Variants in HSF2BP observed in about 807,000 individuals in gnomAD.
The protein encoded by HSF2BP is heat shock transcription factor 2 binding protein.
Under a neutral mutation model 35.0 loss-of-function variants are expected in HSF2BP, and 35 were observed. That is an observed-to-expected ratio of 1.00 (90% CI 0.76 to 1.32). HSF2BP has a LOEUF of 1.32. Ranked by LOEUF, HSF2BP falls within the 40% of genes most tolerant of loss-of-function variation. The pLI, the probability that HSF2BP is intolerant of heterozygous loss-of-function variation, is 0.00. For missense variants in HSF2BP, 326 were observed against 321.7 expected (o/e 1.01, Z -0.10); for synonymous variants, 114 against 117.4 (o/e 0.97, Z 0.18).
chr21:43,657,905 G>A (rs1383812991), intron 2 of HSF2BP, 156 bp downstream of exon 2: 20 of 985,308 alleles, frequency 2.0e-5, no homozygotes, highest in Non-Finnish European at 2.4e-5. Flanking sequence ...TCTCCACCCC[G>A]CTCCGGCCCA....
chr21:43,467,944 CCACACACACCACACTTACACCA>C, the HSF2BP span, among the ~76,000 whole-genome samples: 2 of 95,886 alleles, frequency 2.1e-5, no homozygotes, highest in Admixed American at 1.0e-4. Flanking sequence ...CACACACACA[CCACACACACCACACTTACACCA>C]CACACACACC....
intron 6 of HSF2BP, among the ~76,000 whole-genome samples, chr21:43,618,756 G>A (rs1229011756): frequency 2.0e-5 from 3 of 148,744 alleles, no homozygotes; most frequent in Non-Finnish European, 3.0e-5. Context: ...CTAGTATGGT[G>A]AAACCCCGTC....
intron 6 of HSF2BP, among the ~76,000 whole-genome samples, chr21:43,623,231 T>C (rs762526121): frequency 2.0e-5 from 3 of 151,834 alleles, no homozygotes; most frequent in Non-Finnish European, 4.4e-5. Context: ...AATGAAAAAA[T>C]TGGGAAGAAA....
intron 8 of HSF2BP, among the ~76,000 whole-genome samples, chr21:43,578,527 A>G (rs971851712): frequency 2.0e-5 from 3 of 152,184 alleles, no homozygotes; most frequent in African/African-American, 7.2e-5. Context: ...TCCATTCTAC[A>G]CAGACACAAC....
rs529226226 is a variant in HSF2BP, at chr21:43,587,463, C to T, written c.796+4762G>A. ...GGCAGATCACCTGAGGGCGGGAGTT[C>T]GAGACCAACCTGACCAACATGGAGA... On this transcript the variant is annotated intron_variant, in intron 8 of 8. Coordinates refer to ENST00000291560, the MANE Select transcript of HSF2BP (RefSeq NM_007031.2). Among the ~76,000 whole-genome samples, 47 of 151,722 alleles carry T rather than the reference C, an allele frequency of 3.1e-4. No individual in the cohort carries two copies. The East Asian group carries it at 8.7e-3, about 28-fold the overall frequency.
chr21:43,602,955 G>A (rs1032828918), intron 7 of HSF2BP, among the ~76,000 whole-genome samples: 15 of 152,122 alleles, frequency 9.9e-5, no homozygotes, highest in African/African-American at 2.7e-4. Context: ...GACCTGAGAA[G>A]CCGCTAGTGT....
chr21:43,607,063 C>T (rs549604365), intron 7 of HSF2BP, among the ~76,000 whole-genome samples: 2 of 152,026 alleles, frequency 1.3e-5, no homozygotes, highest in African/African-American at 4.8e-5. Flanking sequence ...CCAAGGAAGG[C>T]GGATCACTTG....
chr21:43,629,374 T>C (rs1180928357), intron 6 of HSF2BP, among the ~76,000 whole-genome samples: 2 of 152,202 alleles, frequency 1.3e-5, no homozygotes, highest in African/African-American at 4.8e-5. Flanking sequence ...AAGACCAGCC[T>C]GGCCAACATG....
chr21:43,613,156 G>A (rs137991460), intron 7 of HSF2BP, among the ~76,000 whole-genome samples: 1 of 152,304 alleles, frequency 6.6e-6, no homozygotes, highest in African/African-American at 2.4e-5. Context: ...TAGCAGAAGA[G>A]GAAGTCTCAG....
intron 6 of HSF2BP, among the ~76,000 whole-genome samples, chr21:43,621,295 G>C (rs954583715): frequency 6.6e-6 from 1 of 152,232 alleles, no homozygotes; most frequent in African/African-American, 2.4e-5. Context: ...GGGAGGCCAA[G>C]GCAGGCAGAT....
chr21:43,619,201 G>C (rs1045850518), intron 6 of HSF2BP, among the ~76,000 whole-genome samples: 17 of 152,078 alleles, frequency 1.1e-4, no homozygotes, highest in Non-Finnish European at 1.6e-4. Flanking sequence ...TCACTTTATT[G>C]TGCTATTTGC....
At chr21:43,575,031 C>T (rs1454752220) in intron 8 of HSF2BP, among the ~76,000 whole-genome samples, 7 of 152,348 alleles carry the variant, frequency 4.6e-5, no homozygotes, top group Admixed American at 1.3e-4. Context: ...AGCAGCAGGG[C>T]CTTCCCTCCC....
Position 43,628,234 on chromosome 21 carries a change from G to A in HSF2BP, c.574+2088C>T, listed in dbSNP as rs1022553537. ...GGCATGGCCAAAGCTGAGACCTGCTGAAAGTTAGACCTCTTGTGCCAAACA... is the reference window on the plus strand; with the variant it reads ...GGCATGGCCAAAGCTGAGACCTGCTAAAAGTTAGACCTCTTGTGCCAAACA... On this transcript the variant is annotated intron_variant, in intron 6 of 8. Coordinates refer to ENST00000291560, the MANE Select transcript of HSF2BP (RefSeq NM_007031.2). 2.6e-5 allele frequency among the ~76,000 whole-genome samples: 4 copies of A among 152,332 alleles called. No individual in the cohort carries two copies. In the South Asian group the frequency reaches 8.3e-4, roughly 32 times the overall value.
chr21:43,636,616 A>G (rs2082562328), intron 4 of HSF2BP, among the ~76,000 whole-genome samples: 1 of 152,118 alleles, frequency 6.6e-6, no homozygotes, highest in Non-Finnish European at 1.5e-5. Context: ...AAACATATAA[A>G]TGTGTCCGGG....
At chr21:43,638,517 A>T (rs924001113) in intron 4 of HSF2BP, among the ~76,000 whole-genome samples, 2 of 152,188 alleles carry the variant, frequency 1.3e-5, no homozygotes, top group African/African-American at 2.4e-5. Flanking sequence ...ACACAATACC[A>T]TTTACGGTTA....
chr21:43,646,116 G>A (rs2082705408), intron 3 of HSF2BP, among the ~76,000 whole-genome samples: 2 of 146,980 alleles, frequency 1.4e-5, no homozygotes, highest in East Asian at 2.0e-4. Flanking sequence ...CCAGGAGTTC[G>A]AGACCAGCCA....
intron 2 of HSF2BP, chr21:43,657,830 C>G (rs992784264): frequency 2.0e-6 from 2 of 985,298 alleles, no homozygotes; most frequent in African/African-American, 1.7e-5. Context: ...GTGCCCCCAC[C>G]ACGCGCAGCC....
chr21:43,652,735 A>C (rs1237090542), intron 3 of HSF2BP, among the ~76,000 whole-genome samples: 2 of 152,202 alleles, frequency 1.3e-5, no homozygotes, highest in Non-Finnish European at 2.9e-5. Context: ...AGGAGGCCAC[A>C]GTAAACCTCC....
At chr21:43,607,785 TA>T (rs2082152743) in intron 7 of HSF2BP, among the ~76,000 whole-genome samples, 1 of 152,038 alleles carries the variant, frequency 6.6e-6, no homozygotes. Context: ...ACCCAGAAAT[TA>T]AAGCTGCACA....
Sources: gnomAD v4.1 joint callset for allele counts (sites outside exome capture counted in the v4.1 genomes callset) on GRCh38, gnomAD v4.1.1 for gene constraint, MANE v1.5 for transcripts, NCBI Gene and HGNC (gene_info 2026-07-23, HGNC 2026-07-21) for gene names.